The following RBPJ variants were observed in gnomAD, a reference collection of about 807,000 sequenced individuals.
RBPJ encodes the protein recombination signal binding protein for immunoglobulin kappa J region, also known as recombining binding protein suppressor of hairless.
RBPJ carries 9 observed loss-of-function variants against 67.8 expected under a neutral mutation model. The observed-to-expected ratio is 0.13, with a 90% CI of 0.08 to 0.23. RBPJ has a LOEUF of 0.23. Among genes scored for constraint, RBPJ ranks in the 10% least tolerant of loss-of-function variants. The pLI, the probability that RBPJ is intolerant of heterozygous loss-of-function variation, is 1.00. For synonymous variants in RBPJ, 198 were observed against 203.3 expected (o/e 0.97, Z 0.22); for missense variants, 305 against 595.6 (o/e 0.51, Z 5.08).
At chr4:26,131,471 G>A in the RBPJ span, among the ~76,000 whole-genome samples, 31 of 152,096 alleles carry the variant, frequency 2.0e-4, no homozygotes, top group Non-Finnish European at 3.4e-4. Context: ...CCAAACAGAT[G>A]CCAGTATTGC....
the RBPJ span, among the ~76,000 whole-genome samples, chr4:26,130,022 C>T: frequency 1.3e-5 from 2 of 152,092 alleles, no homozygotes; most frequent in African/African-American, 4.8e-5. Context: ...CCACCACGCC[C>T]AGCTAATTTT....
chr4:26,216,607 G>C lies in RBPJ; in HGVS notation c.-167+52993G>C, dbSNP rs146199250. Among the ~76,000 whole-genome samples the C allele has an allele frequency of 4.7e-4, 71 of 152,170 alleles. 2 individuals carry two copies. The highest frequency in any genetic ancestry group is 4.6e-3 in the East Asian group (24 of 5,166). On this transcript the variant is annotated intron_variant, in intron 1 of 4. Transcript: ENST00000512351. ...ACTTGGAGACAGTGGGGAGCTCCTA[G>C]AGGGTTTTAAATAGGGGAGGATTGA...
chr4:26,109,995 T>C, the RBPJ span, among the ~76,000 whole-genome samples: 1 of 151,986 alleles, frequency 6.6e-6, no homozygotes, highest in Non-Finnish European at 1.5e-5. Context: ...TCTTAGATAA[T>C]AAAATGGTCT....
chr4:26,233,086 GT>G (rs1222176249), intron 1 of RBPJ, among the ~76,000 whole-genome samples: 1 of 152,192 alleles, frequency 6.6e-6, no homozygotes, highest in Non-Finnish European at 1.5e-5. Flanking sequence ...TGCAGAAACA[GT>G]AAACACAACC....
At position 26,415,941 on chromosome 4, in the gene RBPJ, A is replaced by C. The variant is rs146691787; in HGVS notation, c.321+301A>C. 1.1e-3 allele frequency among the ~76,000 whole-genome samples: 167 copies of C among 152,284 alleles called. 2 individuals are homozygous for C. The East Asian group carries it at 0.03, about 28-fold the overall frequency. ...AATAAATTTAGGAGGCTGATTGCTC[A>C]TCTTCTGTTTGACAGAGGTTTATCA... On this transcript the variant is annotated intron_variant, in intron 4 of 10. Transcript: ENST00000355476.
intron 1 of RBPJ, among the ~76,000 whole-genome samples, chr4:26,268,017 T>C (rs1165635476): frequency 6.6e-6 from 1 of 152,166 alleles, no homozygotes; most frequent in Non-Finnish European, 1.5e-5. Flanking sequence ...AAAATAAAAA[T>C]GATTTTTTTT....
intron 1 of RBPJ, among the ~76,000 whole-genome samples, chr4:26,328,456 G>A (rs77532103): frequency 2.8e-4 from 42 of 152,306 alleles, no homozygotes; most frequent in African/African-American, 1.0e-3. Flanking sequence ...ATTATGGTAA[G>A]TGCTGTAACC....
At chr4:26,117,552 A>G in the RBPJ span, among the ~76,000 whole-genome samples, 1 of 152,168 alleles carries the variant, frequency 6.6e-6, no homozygotes, top group Admixed American at 6.5e-5. Context: ...GAAAACAAAC[A>G]GATGAGTCAG....
chr4:26,155,623 T>C, the RBPJ span, among the ~76,000 whole-genome samples: 1 of 151,874 alleles, frequency 6.6e-6, no homozygotes, highest in Non-Finnish European at 1.5e-5. Flanking sequence ...TTAGTAGAGG[T>C]GTGGTTTTGC....
chr4:26,162,062 G>C (rs1422112633), upstream of RBPJ, among the ~76,000 whole-genome samples: 1 of 152,182 alleles, frequency 6.6e-6, no homozygotes, highest in African/African-American at 2.4e-5. Flanking sequence ...TCAGGACTCT[G>C]CCAACAAGCA....
At chr4:26,176,111 C>T (rs1467956936) in intron 1 of RBPJ, among the ~76,000 whole-genome samples, 1 of 152,176 alleles carries the variant, frequency 6.6e-6, no homozygotes, top group African/African-American at 2.4e-5. Flanking sequence ...GTAAGAATGT[C>T]CTTAACACTA....
rs1736503055 is a variant in RBPJ, at chr4:26,434,527, A to G, written c.*3520A>G. Reference sequence around the variant, plus strand: ...TTATGACTTTGTTTTCAAGCACTGTAATGTGGGATGGATGGTTAGAAACAA... The same window carrying G: ...TTATGACTTTGTTTTCAAGCACTGTGATGTGGGATGGATGGTTAGAAACAA... On this transcript the variant is annotated 3_prime_UTR_variant, in exon 11 of 11. Transcript: ENST00000355476. 1 of 152,198 alleles carries G rather than the reference A, an allele frequency of 6.6e-6. No individual in the cohort carries two copies. The highest frequency in any genetic ancestry group is 6.5e-5 in the Admixed American group (1 of 15,280). 9.4% of individuals were successfully genotyped at this position (152,198 alleles called of 1,614,324 possible). A position where few individuals can be genotyped will look rare whatever the true frequency, so the allele number is the denominator to read the frequency against.
At chr4:26,235,121 T>C (rs191784640) in intron 1 of RBPJ, among the ~76,000 whole-genome samples, 97 of 152,202 alleles carry the variant, frequency 6.4e-4, no homozygotes, top group Non-Finnish European at 1.1e-3. Flanking sequence ...ACATAGTAAG[T>C]GTTCAAAAAA....
intron 1 of RBPJ, among the ~76,000 whole-genome samples, chr4:26,305,905 A>G (rs1380923365): frequency 6.7e-6 from 1 of 148,622 alleles, no homozygotes; most frequent in African/African-American, 2.5e-5. Flanking sequence ...TCAGCCTCCC[A>G]AGTAGCTGGG....
chr4:26,353,304 T>C (rs1726997488), intron 1 of RBPJ, among the ~76,000 whole-genome samples: 1 of 152,238 alleles, frequency 6.6e-6, no homozygotes, highest in South Asian at 2.1e-4. Flanking sequence ...GAAACATACA[T>C]TGTATCAGAA....
At chr4:26,389,778 G>A (rs1382697860) in intron 2 of RBPJ, among the ~76,000 whole-genome samples, 1 of 151,996 alleles carries the variant, frequency 6.6e-6, no homozygotes, top group Non-Finnish European at 1.5e-5. Flanking sequence ...AACTTGAATA[G>A]TCCTATATTT....
intron 1 of RBPJ, among the ~76,000 whole-genome samples, chr4:26,218,456 C>A (rs1318730395): frequency 6.6e-6 from 1 of 152,130 alleles, no homozygotes; most frequent in Non-Finnish European, 1.5e-5. Context: ...CGAAGGGTAC[C>A]TAATCCCCAA....
chr4:26,270,600 A>T (rs1416171215), intron 1 of RBPJ, among the ~76,000 whole-genome samples: 1 of 152,008 alleles, frequency 6.6e-6, no homozygotes, highest in African/African-American at 2.4e-5. Flanking sequence ...AACCTCCAAA[A>T]GTTTTTATTA....
At chr4:26,353,713 A>G (rs771810826) in intron 1 of RBPJ, among the ~76,000 whole-genome samples, 5 of 150,670 alleles carry the variant, frequency 3.3e-5, no homozygotes, top group African/African-American at 7.3e-5. Context: ...GGTTCAAGCA[A>G]TTCTCCTGCC....
Sources: gnomAD v4.1 joint callset for allele counts (sites outside exome capture counted in the v4.1 genomes callset) on GRCh38, gnomAD v4.1.1 for gene constraint, MANE v1.5 for transcripts, NCBI Gene and HGNC (gene_info 2026-07-23, HGNC 2026-07-21) for gene names.